ALDH1A3: variants seen among roughly 807,000 people sequenced by gnomAD.
The protein encoded by ALDH1A3 is retinaldehyde dehydrogenase 3.
Under a neutral mutation model 57.5 loss-of-function variants are expected in ALDH1A3, and 28 were observed. That is an observed-to-expected ratio of 0.49 (90% CI 0.36 to 0.67). The LOEUF is 0.67. Among genes scored for constraint, ALDH1A3 ranks in the 30% least tolerant of loss-of-function variants. The probability of loss-of-function intolerance (pLI) is 0.00; values close to 1 mark genes in which losing one functional copy is unlikely to be tolerated. For missense variants in ALDH1A3, 507 were observed against 669.4 expected, an observed-to-expected ratio of 0.76 and a Z score of 2.68; for synonymous variants, 281 against 264.8, an observed-to-expected ratio of 1.06 and a Z score of -0.59.
chr15:100,908,827 T>C (rs1197658740), intron 12 of ALDH1A3, among the ~76,000 whole-genome samples: 5 of 152,160 alleles, frequency 3.3e-5, no homozygotes, highest in Non-Finnish European at 7.3e-5. Flanking sequence ...TGGGGTGTCA[T>C]TATTCACACA....
In ALDH1A3 at chr15:100,898,237, C is replaced by T. The variant is rs368045005; in HGVS notation, c.883+52C>T. The T allele has an allele frequency of 2.7e-6, 4 of 1,498,170 alleles. No individual in the cohort carries two copies. The African/African-American group carries it at 5.5e-5, about 21-fold the overall frequency. 92.8% of individuals were successfully genotyped at this position (1,498,170 alleles called of 1,614,324 possible). On this transcript the variant is annotated intron_variant, in intron 8 of 12. Coordinates refer to ENST00000329841, the MANE Select transcript of ALDH1A3 (RefSeq NM_000693.4). ...CTGGGGCTTCAGGGCATCCATCTGT[C>T]TCCCCCTACTTCCTGGCCTGAATTC...
At chr15:100,882,484 C>A (rs1049430186) in intron 1 of ALDH1A3, among the ~76,000 whole-genome samples, 131 of 152,292 alleles carry the variant, frequency 8.6e-4, no homozygotes, top group African/African-American at 2.9e-3. Flanking sequence ...AAATAAAATT[C>A]CCCCAAATCT....
At chr15:100,904,106 T>G (rs148301076) in intron 9 of ALDH1A3, among the ~76,000 whole-genome samples, 2 of 152,402 alleles carry the variant, frequency 1.3e-5, no homozygotes, top group African/African-American at 4.8e-5. Flanking sequence ...GGTTTTGTTT[T>G]TCCTGGTTAT....
intron 3 of ALDH1A3, among the ~76,000 whole-genome samples, chr15:100,891,393 A>G (rs1424170225): frequency 6.6e-6 from 1 of 152,254 alleles, no homozygotes; most frequent in African/African-American, 2.4e-5. Flanking sequence ...TAGCCCGAGC[A>G]TCCGGAGTGG....
chr15:100,900,806 G>A, intron 9 of ALDH1A3, 47 bp downstream of exon 9: 2 of 1,590,582 alleles, frequency 1.3e-6, no homozygotes, highest in South Asian at 1.1e-5. Context: ...TCTAGGGGCT[G>A]AAGCAGGCAG....
chr15:100,896,026 G>T lies in ALDH1A3; in HGVS notation c.760G>T (p.Ala254Ser). 1.2e-6 allele frequency: 2 copies of T among 1,611,024 alleles called. No individual in the cohort carries two copies. Among genetic ancestry groups the T allele is most frequent in the Non-Finnish European group, 1.7e-6 (2 of 1,178,614 alleles). ...TTCTCACCCTCAGATCAACAAGATC[G>T]CCTTCACCGGCTCCACAGAGGTAAC... Reference protein sequence around the residue: ...ISSHPQINKIAFTGSTEVGKL... With the variant: ...ISSHPQINKISFTGSTEVGKL... Residue 254 changes from alanine (A) to serine (S), a missense_variant, in exon 7 of 13, where the codon GCC becomes TCC. Coordinates refer to ENST00000329841, the MANE Select transcript of ALDH1A3 (RefSeq NM_000693.4).
intron 7 of ALDH1A3, among the ~76,000 whole-genome samples, chr15:100,896,334 G>A (rs973737845): frequency 2.0e-4 from 31 of 151,882 alleles, no homozygotes; most frequent in African/African-American, 7.5e-4. Flanking sequence ...TAAATAACAA[G>A]CTCAGAGAAA....
Position 100,892,595 on chromosome 15 carries a change from TTGC to T in ALDH1A3, c.432_434del (p.Phe144_Ala145delinsLeu), listed in dbSNP as rs766385223. The T allele has an allele frequency of 6.2e-7, 1 of 1,613,084 alleles. No homozygotes were observed. The highest frequency in any genetic ancestry group is 8.5e-7 in the Non-Finnish European group (1 of 1,179,728). Reference sequence around the variant, plus strand: ...GGCTGTATTAGAACCCTCAGATACTTTGCAGGGTGGGCAGACAAAATCCAGGGC... The same window carrying T: ...GGCTGTATTAGAACCCTCAGATACTTAGGGTGGGCAGACAAAATCCAGGGC... On this transcript the variant is annotated inframe_deletion, in exon 4 of 13. Transcript: ENST00000329841.
rs2041663322 is a variant in ALDH1A3, at chr15:100,892,793, C to G, written c.476-152C>G. 3.0e-6 allele frequency: 4 copies of G among 1,345,072 alleles called. No individual in the cohort carries two copies. In the South Asian group the frequency reaches 4.4e-5, roughly 15 times the overall value. 83.3% of individuals were successfully genotyped at this position (1,345,072 alleles called of 1,614,324 possible). ...GCCAATTCTTCTTCTAAGAACTTCA[C>G]TTTTAAAGTTGAGGTCAAATCACTT... is the stretch of plus-strand genomic sequence containing the variant. On this transcript the variant is annotated intron_variant, in intron 4 of 12. Coordinates refer to ENST00000329841, the MANE Select transcript of ALDH1A3 (RefSeq NM_000693.4).
intron 3 of ALDH1A3, 165 bp from the exon 4 acceptor site, chr15:100,892,345 G>A (rs987580092): frequency 1.5e-5 from 13 of 879,106 alleles, no homozygotes; most frequent in African/African-American, 1.2e-4. Context: ...GACAGGCCTC[G>A]CTTTACATTT....
Position 100,892,344 on chromosome 15 carries a change from C to T in ALDH1A3, c.346-166C>T, listed in dbSNP as rs565840169. 1,579 of 867,296 alleles carry T rather than the reference C, an allele frequency of 1.8e-3. 8 individuals are homozygous for T. Among genetic ancestry groups the T allele is most frequent in the Non-Finnish European group, 1.9e-3 (1,083 of 578,230 alleles). 53.7% of individuals were successfully genotyped at this position (867,296 alleles called of 1,614,324 possible). A position where few individuals can be genotyped will look rare whatever the true frequency, so the allele number is the denominator to read the frequency against. ...AATCCTCACACTCAGAGACAGGCCTCGCTTTACATTTGGTGTCATGCTTTC... is the reference window on the plus strand; with the variant it reads ...AATCCTCACACTCAGAGACAGGCCTTGCTTTACATTTGGTGTCATGCTTTC... On this transcript the variant is annotated intron_variant, in intron 3 of 12. Coordinates refer to ENST00000329841, the MANE Select transcript of ALDH1A3 (RefSeq NM_000693.4).
rs138636781 is a variant in ALDH1A3 at position 100,912,897 on chromosome 15, G to A, written c.1467-1804G>A. On this transcript the variant is annotated intron_variant, in intron 12 of 12. Transcript: ENST00000329841. ...ATGTCGGCCGGGCGCGGTGGCTCAC[G>A]CCTGTAATCCCAGCACTTTGGGAGG... 8.5e-3 allele frequency among the ~76,000 whole-genome samples: 253 copies of A among 29,620 alleles called. 100 individuals carry two copies. The East Asian group carries it at 0.34, about 39-fold the overall frequency. The allele number at this position is 29,620 out of a possible 152,430, so 19.4% of individuals were successfully genotyped here. A position where few individuals can be genotyped will look rare whatever the true frequency, so the allele number is the denominator to read the frequency against.
Position 100,893,301 on chromosome 15 carries a change from A to T in ALDH1A3, c.537+295A>T. The T allele has an allele frequency of 9.3e-6, 3 of 324,104 alleles. No individual in the cohort carries two copies. The highest frequency in any genetic ancestry group is 4.2e-5 in the African/African-American group (2 of 47,460). 20.1% of individuals were successfully genotyped at this position (324,104 alleles called of 1,614,324 possible). A position where few individuals can be genotyped will look rare whatever the true frequency, so the allele number is the denominator to read the frequency against. ...GTCTCTTAGCTGGGCCTTAAAGATAAGAAAGACTTGTTCAACAAGGAAAAG... is the reference window on the plus strand; with the variant it reads ...GTCTCTTAGCTGGGCCTTAAAGATATGAAAGACTTGTTCAACAAGGAAAAG... On this transcript the variant is annotated intron_variant, in intron 5 of 12. Coordinates refer to ENST00000329841, the MANE Select transcript of ALDH1A3 (RefSeq NM_000693.4). This position sits in a 1 kb window ranked among gnomAD's most constrained non-coding sequence, Gnocchi z 4.8.
Position 100,887,583 on chromosome 15 carries a change from C to G in ALDH1A3, c.216C>G (p.Asp72Glu). The change falls in exon 3 of 13, where the codon GAC becomes GAG. Residue 72 changes from aspartate (D) to glutamate (E), a missense_variant. Transcript: ENST00000329841. The surrounding 1 kb of genome is among the most constrained non-coding windows in gnomAD (Gnocchi z 4.6). ...TTCTGGTCGCTCAGCCCGACGTGGA[C>G]AAGGCTGTGGAGGCTGCACAGGTTG... ...EVEEGDKPDV[D>E]KAVEAAQVAF... The G allele has an allele frequency of 6.2e-7, 1 of 1,602,128 alleles. No homozygotes were observed. The highest frequency in any genetic ancestry group is 1.1e-5 in the South Asian group (1 of 89,434).
In ALDH1A3 at chr15:100,889,929, C is replaced by T. The variant is rs1030530373; in HGVS notation, c.345+2217C>T. ...GGAGAGCGCCCCTTGCTCTCCACCT[C>T]GATATGGTTTCCGTGCATGTTCATG... is the stretch of plus-strand genomic sequence containing the variant. On this transcript the variant is annotated intron_variant, in intron 3 of 12. Transcript: ENST00000329841. The surrounding 1 kb of genome is among the most constrained non-coding windows in gnomAD (Gnocchi z 5.1). Among the ~76,000 whole-genome samples the T allele has an allele frequency of 1.3e-5, 2 of 152,212 alleles. No homozygotes were observed. Among genetic ancestry groups the T allele is most frequent in the East Asian group, 1.9e-4 (1 of 5,198 alleles).
chr15:100,893,283 A>G lies in ALDH1A3; in HGVS notation c.537+277A>G. On this transcript the variant is annotated intron_variant, in intron 5 of 12. Transcript: ENST00000329841. The surrounding 1 kb of genome is among the most constrained non-coding windows in gnomAD (Gnocchi z 4.8). ...AGCATTCCCAGGAAGGTGGTCTCTTAGCTGGGCCTTAAAGATAAGAAAGAC... is the reference window on the plus strand; with the variant it reads ...AGCATTCCCAGGAAGGTGGTCTCTTGGCTGGGCCTTAAAGATAAGAAAGAC... 1 of 370,070 alleles carries G rather than the reference A, an allele frequency of 2.7e-6. No homozygotes were observed. Among genetic ancestry groups the G allele is most frequent in the Non-Finnish European group, 4.8e-6 (1 of 206,694 alleles). 22.9% of individuals were successfully genotyped at this position (370,070 alleles called of 1,614,324 possible). A position where few individuals can be genotyped will look rare whatever the true frequency, so the allele number is the denominator to read the frequency against.
Position 100,896,030 on chromosome 15 carries a change from T to G in ALDH1A3, c.764T>G (p.Phe255Cys), listed in dbSNP as rs2041699777. Residue 255 changes from phenylalanine to cysteine, a missense_variant, in exon 7 of 13, where the codon TTC becomes TGC. Physicochemically the swap from Phe to Cys is radical, Grantham distance 205. Coordinates refer to ENST00000329841, the MANE Select transcript of ALDH1A3 (RefSeq NM_000693.4). ...SSHPQINKIA[F>C]TGSTEVGKLV... ...CACCCTCAGATCAACAAGATCGCCT[T>G]CACCGGCTCCACAGAGGTAACCCTC... The G allele has an allele frequency of 6.2e-7, 1 of 1,611,078 alleles. No individual in the cohort carries two copies. Among genetic ancestry groups the G allele is most frequent in the Non-Finnish European group, 8.5e-7 (1 of 1,178,638 alleles).
chr15:100,900,361 T>C (rs570284797), intron 8 of ALDH1A3, among the ~76,000 whole-genome samples: 15 of 152,344 alleles, frequency 9.8e-5, no homozygotes, highest in African/African-American at 3.4e-4. Context: ...AGTCAGGGAA[T>C]TGATTTAACC....
Position 100,894,158 on chromosome 15 carries a change from G to A in ALDH1A3, c.666+76G>A. On this transcript the variant is annotated intron_variant, in intron 6 of 12. Coordinates refer to ENST00000329841, the MANE Select transcript of ALDH1A3 (RefSeq NM_000693.4). This position sits in a 1 kb window ranked among gnomAD's most constrained non-coding sequence, Gnocchi z 4.5. ...CCTAGGAACCAGGCCACCGTCACGAGATGGGACAGTGGCAGACTGCTGGCA... is the reference window on the plus strand; with the variant it reads ...CCTAGGAACCAGGCCACCGTCACGAAATGGGACAGTGGCAGACTGCTGGCA... 6.4e-7 allele frequency: 1 copy of A among 1,554,994 alleles called. No individual in the cohort carries two copies. The highest frequency in any genetic ancestry group is 8.7e-7 in the Non-Finnish European group (1 of 1,143,260).
Sources: gnomAD v4.1 joint callset for allele counts (sites outside exome capture counted in the v4.1 genomes callset) on GRCh38, gnomAD v4.1.1 for gene constraint, Gnocchi (gnomAD v3.1) non-coding constraint, MANE v1.5 for transcripts, NCBI Gene and HGNC (gene_info 2026-07-23, HGNC 2026-07-21) for gene names.